SYN3: variants seen among roughly 807,000 people sequenced by gnomAD.
SYN3 encodes synapsin III.
In SYN3, 35 loss-of-function variants were observed where a neutral mutation model predicts 65.8. The ratio of observed to expected loss-of-function variants is 0.53; its 90% CI spans 0.41 to 0.70. SYN3 has a LOEUF of 0.70. Ranked by LOEUF, SYN3 falls within the 30% of genes least tolerant of loss-of-function variation. The probability of loss-of-function intolerance (pLI) is 0.00; values close to 1 mark genes in which losing one functional copy is unlikely to be tolerated. For synonymous variants in SYN3, 270 were observed against 292.9 expected (o/e 0.92, Z 0.80); for missense variants, 680 against 749.0 (o/e 0.91, Z 1.08).
intron 6 of SYN3, among the ~76,000 whole-genome samples, chr22:32,833,182 T>G (rs1057267195): frequency 6.6e-6 from 1 of 152,070 alleles, no homozygotes; most frequent in African/African-American, 2.4e-5. Context: ...CCTGGGAAAT[T>G]TGCATTTATC....
At position 33,006,933 on chromosome 22, in the gene SYN3, A is replaced by G. The variant is rs116972754; in HGVS notation, c.-162-109T>C. On this transcript the variant is annotated intron_variant, in intron 1 of 13. Coordinates refer to ENST00000358763, the MANE Select transcript of SYN3 (RefSeq NM_003490.4). The stretch of plus-strand genomic sequence containing the variant: ...TGCAGGTGGTAATGTAAATTAGGAC[A>G]TCCTTCTGGAAAGGAATTTGGCAAC... 882 of 324,498 alleles carry G rather than the reference A, an allele frequency of 2.7e-3. 21 individuals carry two copies. The East Asian group carries it at 0.038, about 14-fold the overall frequency. The allele number at this position is 324,498 out of a possible 1,614,324, so 20.1% of individuals were successfully genotyped here.
intron 6 of SYN3, among the ~76,000 whole-genome samples, chr22:32,854,230 CTA>C (rs1229519138): frequency 2.0e-5 from 3 of 152,290 alleles, no homozygotes; most frequent in East Asian, 1.9e-4. Flanking sequence ...AAACACAGCG[CTA>C]TGTTTGTCAG....
intron 4 of SYN3, among the ~76,000 whole-genome samples, chr22:32,922,608 T>C (rs1324327390): frequency 4.6e-5 from 7 of 152,008 alleles, no homozygotes; most frequent in East Asian, 1.9e-4. Flanking sequence ...GGCTGTGTGT[T>C]CCTTTACCTT....
chr22:32,885,665 A>G (rs528643209), intron 4 of SYN3, among the ~76,000 whole-genome samples: 36 of 151,736 alleles, frequency 2.4e-4, no homozygotes, highest in African/African-American at 8.5e-4. Context: ...GGTTCAATCG[A>G]TTCTCCTGCC....
At chr22:32,780,934 T>TTTCCTTTCC (rs1555958470) in intron 6 of SYN3, among the ~76,000 whole-genome samples, 13 of 82,688 alleles carry the variant, frequency 1.6e-4, no homozygotes, top group African/African-American at 7.4e-4. Context: ...CCTTCCTTCC[T>TTTCCTTTCC]TTCCTTCCTT....
chr22:32,589,094 G>A (rs2059092802), intron 7 of SYN3, among the ~76,000 whole-genome samples: 1 of 152,196 alleles, frequency 6.6e-6, no homozygotes. Flanking sequence ...CACTGCCTGT[G>A]GGGTAGCCCT....
chr22:33,039,343 T>C (rs2053919361), intron 1 of SYN3, among the ~76,000 whole-genome samples: 1 of 151,910 alleles, frequency 6.6e-6, no homozygotes, highest in African/African-American at 2.4e-5. Flanking sequence ...TATAACATTC[T>C]CTTACTTCCT....
rs1242704654 is a variant in SYN3, at chr22:33,038,335, A to G, written c.-163+19957T>C. Among the ~76,000 whole-genome samples the G allele has an allele frequency of 2.0e-5, 3 of 152,222 alleles. No individual in the cohort carries two copies. The East Asian group carries it at 5.8e-4, about 29-fold the overall frequency. On this transcript the variant is annotated intron_variant, in intron 1 of 13. Coordinates refer to ENST00000358763, the MANE Select transcript of SYN3 (RefSeq NM_003490.4). ...TGCAGGCAAGGAAGGGATTTTTCACAGCCAGGATGGGGATTACTGCTGCGG... is the reference window on the plus strand; with the variant it reads ...TGCAGGCAAGGAAGGGATTTTTCACGGCCAGGATGGGGATTACTGCTGCGG...
intron 4 of SYN3, among the ~76,000 whole-genome samples, chr22:32,908,472 C>A (rs954661735): frequency 4.7e-5 from 7 of 149,738 alleles, no homozygotes; most frequent in Admixed American, 1.3e-4. Flanking sequence ...CTCACTGCAA[C>A]CTTTTAACTC....
intron 1 of SYN3, among the ~76,000 whole-genome samples, chr22:33,028,676 GT>G (rs2053687021): frequency 9.9e-6 from 1 of 100,876 alleles, no homozygotes. Flanking sequence ...GGTGGTGGTG[GT>G]GGTGGTGGTG....
intron 13 of SYN3, among the ~76,000 whole-genome samples, chr22:32,517,772 G>C (rs1342317305): frequency 6.6e-6 from 1 of 152,028 alleles, no homozygotes. Context: ...CAGCCACTAA[G>C]TTTTGGGGTT....
rs563402659 is a variant in SYN3, at chr22:32,789,273, C to T, written c.711+75642G>A. Among the ~76,000 whole-genome samples the T allele has an allele frequency of 6.6e-5, 10 of 152,328 alleles. No individual in the cohort carries two copies. The South Asian group carries it at 2.1e-3, about 32-fold the overall frequency. ...GCCTCCCAGGCCTAGAAAAAGCACT[C>T]CAGGTATGCACAATCTCTTTTTGAG... On this transcript the variant is annotated intron_variant, in intron 6 of 13. Transcript: ENST00000358763.
intron 7 of SYN3, among the ~76,000 whole-genome samples, chr22:32,546,302 G>T (rs562587679): frequency 6.6e-6 from 1 of 152,230 alleles, no homozygotes; most frequent in South Asian, 2.1e-4. Context: ...ATTTAAGAAG[G>T]TTGGATCAAG....
At chr22:32,719,145 C>G (rs2061080607) in intron 6 of SYN3, among the ~76,000 whole-genome samples, 1 of 152,168 alleles carries the variant, frequency 6.6e-6, no homozygotes. Flanking sequence ...AGGGGATCCT[C>G]TAAAACAGTT....
intron 3 of SYN3, among the ~76,000 whole-genome samples, chr22:32,969,574 G>T (rs1352481485): frequency 6.6e-6 from 1 of 152,192 alleles, no homozygotes; most frequent in African/African-American, 2.4e-5. Context: ...TGGGCAGGGG[G>T]AGAAATGCAG....
chr22:32,542,628 GTA>G (rs1157611540), intron 7 of SYN3, among the ~76,000 whole-genome samples: 1,868 of 130,800 alleles, frequency 0.014, 50 homozygotes, highest in African/African-American at 0.048. Context: ...CTGTTTGTGT[GTA>G]TGTGTGTGTG....
intron 6 of SYN3, among the ~76,000 whole-genome samples, chr22:32,804,502 C>T (rs1168766707): frequency 6.6e-6 from 1 of 152,232 alleles, no homozygotes; most frequent in Middle Eastern, 3.2e-3. Context: ...CCATCAACTT[C>T]CTGTTTTAAA....
chr22:32,886,060 A>C (rs906945201), intron 4 of SYN3, among the ~76,000 whole-genome samples: 2 of 152,230 alleles, frequency 1.3e-5, no homozygotes, highest in African/African-American at 4.8e-5. Flanking sequence ...ACACCTTCCG[A>C]AACCTTTATT....
intron 3 of SYN3, among the ~76,000 whole-genome samples, chr22:32,938,393 G>T (rs1238550884): frequency 6.6e-6 from 1 of 151,924 alleles, no homozygotes; most frequent in Non-Finnish European, 1.5e-5. Context: ...AGCCAGGCGT[G>T]GTGGCGGGTG....
Sources: gnomAD v4.1 joint callset for allele counts (sites outside exome capture counted in the v4.1 genomes callset) on GRCh38, gnomAD v4.1.1 for gene constraint, MANE v1.5 for transcripts, NCBI Gene and HGNC (gene_info 2026-07-23, HGNC 2026-07-21) for gene names.